The following MCUB variants were observed in gnomAD, a reference collection of about 807,000 sequenced individuals.
MCUB encodes calcium uniporter regulatory subunit MCUb, mitochondrial.
MCUB carries 46 observed loss-of-function variants against 41.4 expected under a neutral mutation model. The observed-to-expected ratio is 1.11, with a 90% confidence interval of 0.88 to 1.42. The LOEUF is 1.42. Among genes scored for constraint, MCUB ranks in the 40% most tolerant of loss-of-function variants. MCUB has a pLI of 0.00. For missense variants in MCUB, 403 were observed against 404.9 expected, an observed-to-expected ratio of 1.00 and a Z score of 0.04; for synonymous variants, 148 against 148.2, an observed-to-expected ratio of 1.00 and a Z score of 0.01.
At chr4:109,685,436 T>C (rs1156618649) in intron 7 of MCUB, 69 bp downstream of exon 7, 7 of 673,560 alleles carry the variant, frequency 1.0e-5, no homozygotes, top group Non-Finnish European at 1.9e-5. Context: ...GAAGTATAAC[T>C]GGTGGCTCAT....
intron 1 of MCUB, among the ~76,000 whole-genome samples, chr4:109,652,519 GA>G (rs1203145000): frequency 6.6e-6 from 1 of 152,188 alleles, no homozygotes; most frequent in Non-Finnish European, 1.5e-5. Flanking sequence ...ATCCAAGATT[GA>G]GAGGTCGCAT....
In MCUB at chr4:109,603,824, C is replaced by T. The variant is rs1031412230; in HGVS notation, c.99+43388C>T. On this transcript the variant is annotated intron_variant, in intron 1 of 7. Coordinates refer to ENST00000394650, the MANE Select transcript of MCUB (RefSeq NM_017918.5). The stretch of plus-strand genomic sequence containing the variant: ...CTGGGAGGTGGGGGGCACCTCTGCC[C>T]GGCCACCACGTTTGGGAAGTGAGGA... 1.6e-4 allele frequency among the ~76,000 whole-genome samples: 24 copies of T among 151,972 alleles called. No individual in the cohort carries two copies. The East Asian group carries it at 4.1e-3, about 26-fold the overall frequency.
At chr4:109,642,793 A>AT (rs1010459789) in intron 1 of MCUB, among the ~76,000 whole-genome samples, 14 of 149,574 alleles carry the variant, frequency 9.4e-5, no homozygotes, top group East Asian at 5.9e-4. Context: ...GAAGACTGAA[A>AT]TTTTTTTTTT....
intron 1 of MCUB, among the ~76,000 whole-genome samples, chr4:109,652,404 T>C (rs1728981248): frequency 6.6e-6 from 1 of 152,240 alleles, no homozygotes; most frequent in Non-Finnish European, 1.5e-5. Flanking sequence ...ACTCATTTCT[T>C]TCAGCCTTGC....
chr4:109,586,728 TTGGAGTTTGC>T (rs1237648650), intron 1 of MCUB, among the ~76,000 whole-genome samples: 1 of 152,208 alleles, frequency 6.6e-6, no homozygotes, highest in Non-Finnish European at 1.5e-5. Context: ...TGCAGGTCTG[TTGGAGTTTGC>T]TGGAGGTCCA....
intron 2 of MCUB, 72 bp from the exon 3 acceptor site, chr4:109,660,123 C>A: frequency 1.3e-6 from 1 of 769,204 alleles, no homozygotes; most frequent in South Asian, 1.9e-5. Flanking sequence ...AGCATTCCTT[C>A]TAGAATTCTT....
chr4:109,579,490 C>T (rs1164363164), intron 1 of MCUB, among the ~76,000 whole-genome samples: 2 of 152,148 alleles, frequency 1.3e-5, no homozygotes, highest in African/African-American at 4.8e-5. Context: ...CCTTGTGATC[C>T]ACGCGCCTCG....
chr4:109,585,741 C>G (rs1006378253), intron 1 of MCUB, among the ~76,000 whole-genome samples: 8 of 152,240 alleles, frequency 5.3e-5, no homozygotes, highest in Middle Eastern at 6.8e-3. Context: ...ATTCTGGGTT[C>G]AAAATTCTTT....
intron 1 of MCUB, among the ~76,000 whole-genome samples, chr4:109,645,684 A>G (rs180780698): frequency 3.1e-4 from 47 of 151,964 alleles, no homozygotes; most frequent in South Asian, 8.3e-4. Context: ...TACTTTCTCT[A>G]CTCACTGCAT....
intron 1 of MCUB, among the ~76,000 whole-genome samples, chr4:109,629,637 G>C (rs1728431955): frequency 6.6e-6 from 1 of 152,162 alleles, no homozygotes; most frequent in African/African-American, 2.4e-5. Context: ...GTGGCTCACA[G>C]AAAACTCAAG....
intron 1 of MCUB, among the ~76,000 whole-genome samples, chr4:109,563,422 C>T (rs1052814936): frequency 1.3e-5 from 2 of 152,064 alleles, no homozygotes; most frequent in African/African-American, 2.4e-5. Flanking sequence ...ATGAACATAT[C>T]GTTCTTGTTT....
chr4:109,560,288 G>A lies in MCUB; in HGVS notation c.-50G>A, dbSNP rs888912790. 5.2e-6 allele frequency: 5 copies of A among 954,936 alleles called. No homozygotes were observed. In the South Asian group the frequency reaches 1.4e-4, roughly 26 times the overall value. The allele number at this position is 954,936 out of a possible 1,614,324, so 59.2% of individuals were successfully genotyped here. On this transcript the variant is annotated 5_prime_UTR_variant, in exon 1 of 8. Coordinates refer to ENST00000394650, the MANE Select transcript of MCUB (RefSeq NM_017918.5). Reference sequence around the variant, plus strand: ...GGCGCTGACGAGGAGCCCGGCTGAGGGAGGATGCGCCGCTGACGCCTGCGG... The same window carrying A: ...GGCGCTGACGAGGAGCCCGGCTGAGAGAGGATGCGCCGCTGACGCCTGCGG...
chr4:109,592,542 T>C (rs1727462713), intron 1 of MCUB, among the ~76,000 whole-genome samples: 1 of 152,188 alleles, frequency 6.6e-6, no homozygotes, highest in Non-Finnish European at 1.5e-5. Context: ...AAGGTTATGT[T>C]CTCATCTTCC....
intron 1 of MCUB, among the ~76,000 whole-genome samples, chr4:109,602,907 A>G (rs2126131556): frequency 6.6e-6 from 1 of 152,228 alleles, no homozygotes; most frequent in East Asian, 1.9e-4. Context: ...CATTGCAGGA[A>G]TCTTTCACTC....
rs75014005 is a variant in MCUB, at chr4:109,684,577, G to A, written c.747G>A (p.Glu249=). Residue 249 remains glutamate, a synonymous_variant, in exon 6 of 8, where the codon GAG becomes GAA. Transcript: ENST00000394650. ...TWWVYSWDIM[E]PVTYFITFAN... ...GGGTGTACTCCTGGGATATCATGGA[G>A]CCAGTTACATACTTCATCACATTTG... 4.4e-4 allele frequency: 701 copies of A among 1,606,946 alleles called. 3 individuals are homozygous for A. The African/African-American group carries it at 8.5e-3, about 19-fold the overall frequency.
intron 1 of MCUB, among the ~76,000 whole-genome samples, chr4:109,567,399 T>C (rs927793441): frequency 6.6e-6 from 1 of 152,046 alleles, no homozygotes; most frequent in Non-Finnish European, 1.5e-5. Context: ...GCATGTACAG[T>C]ACATACATGT....
intron 1 of MCUB, among the ~76,000 whole-genome samples, chr4:109,597,838 C>T (rs974683440): frequency 1.1e-4 from 17 of 151,044 alleles, no homozygotes; most frequent in South Asian, 8.4e-4. Flanking sequence ...ACTTCTCAGA[C>T]GGGGCGGTTG....
intron 4 of MCUB, chr4:109,673,880 A>G (rs1479730071): frequency 3.9e-6 from 3 of 772,926 alleles, no homozygotes; most frequent in Non-Finnish European, 4.8e-6. Flanking sequence ...CCTTCATATG[A>G]GGAATATCAG....
At chr4:109,660,026 G>A (rs1729193185) in intron 2 of MCUB, among the ~76,000 whole-genome samples, 169 bp from the exon 3 acceptor site, 1 of 152,134 alleles carries the variant, frequency 6.6e-6, no homozygotes, top group Non-Finnish European at 1.5e-5. Context: ...GAATGGTAGG[G>A]AATATGTAAA....
Sources: gnomAD v4.1 joint callset for allele counts (sites outside exome capture counted in the v4.1 genomes callset) on GRCh38, gnomAD v4.1.1 for gene constraint, MANE v1.5 for transcripts, NCBI Gene and HGNC (gene_info 2026-07-23, HGNC 2026-07-21) for gene names.